Variants in SLIT1 observed in about 807,000 individuals in gnomAD.
The protein encoded by SLIT1 is slit guidance ligand 1.
SLIT1 carries 66 observed loss-of-function variants against 186.1 expected under a neutral mutation model. The observed-to-expected ratio is 0.35, with a 90% CI of 0.29 to 0.44. The LOEUF is 0.44. Ranked by LOEUF, SLIT1 falls within the 20% of genes least tolerant of loss-of-function variation. The pLI is 1.00. For missense variants in SLIT1, 1,638 were observed against 2,037.4 expected (o/e 0.80, Z 3.77); for synonymous variants, 761 against 833.8 (o/e 0.91, Z 1.50).
chr10:97,166,207 C>A (rs1355679860), intron 1 of SLIT1, among the ~76,000 whole-genome samples: 1 of 151,972 alleles, frequency 6.6e-6, no homozygotes, highest in Non-Finnish European at 1.5e-5. Flanking sequence ...TCCCTGTCCT[C>A]CAGGTGTTTA....
Position 97,040,087 on chromosome 10 carries a change from T to A in SLIT1, c.2198A>T (p.Gln733Leu), listed in dbSNP as rs745368256. The change falls in exon 21 of 37, where the codon CAG (glutamine) becomes CTG (leucine). Residue 733 changes from glutamine (Q) to leucine (L), a missense_variant. Physicochemically the swap from Gln to Leu is moderately radical, Grantham distance 113. Around this residue, in one of 3 missense-constraint regions of SLIT1, gnomAD observed 1,245 missense variants for 1,535.3 expected, o/e 0.81. Transcript: ENST00000266058. Reference sequence around the variant, plus strand: ...CAGGCAGGCGCACTCCTGTGGGCACTGTGGGCGGGGCAGGCAGCCCCCCTC... The same window carrying A: ...CAGGCAGGCGCACTCCTGTGGGCACAGTGGGCGGGGCAGGCAGCCCCCCTC... ...QEEGGCLPRP[Q>L]CPQECACLDT... is the part of the protein sequence containing the mutation. 9 of 1,597,924 alleles carry A rather than the reference T, an allele frequency of 5.6e-6. No homozygotes were observed. Among genetic ancestry groups the A allele is most frequent in the East Asian group, 2.3e-5 (1 of 44,256 alleles).
intron 11 of SLIT1, among the ~76,000 whole-genome samples, chr10:97,058,918 C>A (rs1198062751): frequency 1.3e-5 from 2 of 152,206 alleles, no homozygotes; most frequent in African/African-American, 4.8e-5. Context: ...GTTTTATTGA[C>A]AGACTTCCCC....
At position 97,010,902 on chromosome 10, in the gene SLIT1, C is replaced by T; in HGVS notation, c.3341+91G>A. The T allele has an allele frequency of 7.9e-7, 1 of 1,272,326 alleles. No individual in the cohort carries two copies. Among genetic ancestry groups the T allele is most frequent in the Non-Finnish European group, 1.1e-6 (1 of 903,510 alleles). 78.8% of individuals were successfully genotyped at this position (1,272,326 alleles called of 1,614,324 possible). A position where few individuals can be genotyped will look rare whatever the true frequency, so the allele number is the denominator to read the frequency against. On this transcript the variant is annotated intron_variant, in intron 31 of 36. Transcript: ENST00000266058. This position sits in a 1 kb window ranked among gnomAD's most constrained non-coding sequence, Gnocchi z 4.8. ...TCCAACTTCCAGGCTCTGACCCACA[C>T]CCCTTTCCTTCGCCATGGCTGGAGG...
chr10:97,064,824 G>A lies in SLIT1; in HGVS notation c.538C>T (p.Leu180=), dbSNP rs751604217. The change falls in exon 6 of 37, where the codon CTG becomes TTG. Residue 180 remains leucine, a synonymous_variant. Transcript: ENST00000266058. ...SCIEEGAFRA[L]RGLEVLTLNN... is the part of the protein sequence containing the mutation. ...ACTTACAGCACCTCCAGCCCCCGCAGAGCACGGAAGGCCCCTTCCTCAATG... is the reference window on the plus strand; with the variant it reads ...ACTTACAGCACCTCCAGCCCCCGCAAAGCACGGAAGGCCCCTTCCTCAATG... 1 of 1,611,858 alleles carries A rather than the reference G, an allele frequency of 6.2e-7. No homozygotes were observed. The highest frequency in any genetic ancestry group is 1.1e-5 in the South Asian group (1 of 90,634).
Position 97,019,421 on chromosome 10 carries a change from G to A in SLIT1, c.2747-314C>T, listed in dbSNP as rs534131898. On this transcript the variant is annotated intron_variant, in intron 26 of 36. Coordinates refer to ENST00000266058, the MANE Select transcript of SLIT1 (RefSeq NM_003061.3). ...TGGCCATTAGGGCCGCATGATCCAT[G>A]TAAGAAGGGGACAGTTGCTACCACC... 1.1e-4 allele frequency among the ~76,000 whole-genome samples: 16 copies of A among 152,308 alleles called. No individual in the cohort carries two copies. The South Asian group carries it at 3.3e-3, about 32-fold the overall frequency.
rs1850393852 is a variant in SLIT1, at chr10:97,185,129, C to T, written c.197+349G>A. The stretch of plus-strand genomic sequence containing the variant: ...GTGCTTGGCGAGTGTGGGAAGTGTC[C>T]CTCCTGGGTGCAAGGAAGGCTTTCT... On this transcript the variant is annotated intron_variant, in intron 1 of 36. Coordinates refer to ENST00000266058, the MANE Select transcript of SLIT1 (RefSeq NM_003061.3). Among the ~76,000 whole-genome samples the T allele has an allele frequency of 3.3e-5, 5 of 152,238 alleles. 1 individual carries two copies. In the South Asian group the frequency reaches 1.0e-3, roughly 32 times the overall value.
At chr10:97,072,134 C>T (rs1849006260) in intron 4 of SLIT1, among the ~76,000 whole-genome samples, 1 of 152,100 alleles carries the variant, frequency 6.6e-6, no homozygotes, top group African/African-American at 2.4e-5. Flanking sequence ...ACAGAGAGGG[C>T]TGTGATATGA....
At chr10:97,087,290 G>A (rs1307344853) in intron 4 of SLIT1, among the ~76,000 whole-genome samples, 1 of 152,048 alleles carries the variant, frequency 6.6e-6, no homozygotes, top group African/African-American at 2.4e-5. Context: ...GTGTTGGGTG[G>A]AAGGTCCACA....
chr10:97,043,383 A>T lies in SLIT1; in HGVS notation c.1984T>A (p.Ser662Thr). ...VSPGAFDTLQ[S>T]LSTLNLLANP... ...GGCCGGACTCACAGTGTGGAGAGGG[A>T]CTGGAGGGTGTCGAAGGCTCCTGGG... The change falls in exon 19 of 37, where the codon TCC becomes ACC. Residue 662 changes from serine (S) to threonine (T), a missense_variant. This residue lies in a region of SLIT1 where 1,245 missense variants were observed against 1,535.3 expected (regional missense o/e 0.81). Coordinates refer to ENST00000266058, the MANE Select transcript of SLIT1 (RefSeq NM_003061.3). The surrounding 1 kb of genome is among the most constrained non-coding windows in gnomAD (Gnocchi z 7.0). 1 of 1,613,558 alleles carries T rather than the reference A, an allele frequency of 6.2e-7. No homozygotes were observed. The highest frequency in any genetic ancestry group is 8.5e-7 in the Non-Finnish European group (1 of 1,179,982).
chr10:97,076,423 C>T (rs190105044), intron 4 of SLIT1, among the ~76,000 whole-genome samples: 29 of 152,280 alleles, frequency 1.9e-4, no homozygotes, highest in Admixed American at 1.4e-3. Flanking sequence ...CCTGGGATCT[C>T]GCTGGACCAT....
At chr10:97,097,561 T>A (rs1242080647) in intron 4 of SLIT1, among the ~76,000 whole-genome samples, 1 of 152,232 alleles carries the variant, frequency 6.6e-6, no homozygotes, top group African/African-American at 2.4e-5. Flanking sequence ...AGTTTAGATT[T>A]CTTTCTTTAT....
chr10:97,081,646 C>T (rs1460347548), intron 4 of SLIT1, among the ~76,000 whole-genome samples: 1 of 152,202 alleles, frequency 6.6e-6, no homozygotes, highest in Non-Finnish European at 1.5e-5. Context: ...TCCACATGCA[C>T]AGACAGGGAT....
Position 97,022,958 on chromosome 10 carries a change from A to G in SLIT1, c.2583-1545T>C, listed in dbSNP as rs980516118. Among the ~76,000 whole-genome samples, 2 of 152,146 alleles carry G rather than the reference A, an allele frequency of 1.3e-5. No homozygotes were observed. The highest frequency in any genetic ancestry group is 4.8e-5 in the African/African-American group (2 of 41,426). ...TCTCATTGTGTCCAACTGTTCCGCA[A>G]TATCCCAGAGTGGATATCCCATGGC... On this transcript the variant is annotated intron_variant, in intron 25 of 36. Coordinates refer to ENST00000266058, the MANE Select transcript of SLIT1 (RefSeq NM_003061.3). The surrounding 1 kb of genome is among the most constrained non-coding windows in gnomAD (Gnocchi z 4.2).
chr10:97,150,153 A>G (rs1849861266), intron 4 of SLIT1, among the ~76,000 whole-genome samples: 1 of 151,820 alleles, frequency 6.6e-6, no homozygotes, highest in Admixed American at 6.6e-5. Flanking sequence ...CTGGCTGGGG[A>G]GGGGCGGCTG....
At chr10:97,074,528 A>C (rs1364627505) in intron 4 of SLIT1, among the ~76,000 whole-genome samples, 1 of 152,068 alleles carries the variant, frequency 6.6e-6, no homozygotes, top group Non-Finnish European at 1.5e-5. Context: ...TAACAATCGC[A>C]CCTCTTCCCT....
At chr10:97,141,772 G>A (rs1179689769) in intron 4 of SLIT1, among the ~76,000 whole-genome samples, 1 of 147,852 alleles carries the variant, frequency 6.8e-6, no homozygotes, top group Admixed American at 6.7e-5. Context: ...GTATTGTATC[G>A]TACTGTATTG....
intron 1 of SLIT1, 99 bp downstream of exon 1, chr10:97,185,379 G>C: frequency 9.2e-6 from 11 of 1,191,636 alleles, no homozygotes; most frequent in South Asian, 4.4e-5. Flanking sequence ...GAGCCCGGAC[G>C]GGCCCCAATG....
chr10:97,031,824 G>A (rs12049748), intron 23 of SLIT1, 147 bp from the exon 24 acceptor site: 113,262 of 624,050 alleles, frequency 0.18, 12,237 homozygotes, highest in South Asian at 0.37. Context: ...AAGTGCATGG[G>A]CTGGGCTGCG....
chr10:97,006,656 A>G lies in SLIT1; in HGVS notation c.3406T>C (p.Cys1136Arg), dbSNP rs376962562. The change falls in exon 32 of 37, where the codon TGC becomes CGC. Residue 1136 changes from cysteine to arginine, a missense_variant. By Grantham distance (180) the Cys-to-Arg change is radical (BLOSUM62 -3). Around this residue, in one of 3 missense-constraint regions of SLIT1, gnomAD observed 1,245 missense variants for 1,535.3 expected, o/e 0.81. Coordinates refer to ENST00000266058, the MANE Select transcript of SLIT1 (RefSeq NM_003061.3). This position sits in a 1 kb window ranked among gnomAD's most constrained non-coding sequence, Gnocchi z 4.0. ...TCCACACAGTTGGCCCCATTCTGGC[A>G]CTCAGTCCCCTCACAGGGGCTCTTG... The part of the protein sequence containing the change: ...APKSPCEGTE[C>R]QNGANCVDQG... 6.2e-7 allele frequency: 1 copy of G among 1,614,034 alleles called. No individual in the cohort carries two copies. The highest frequency in any genetic ancestry group is 8.5e-7 in the Non-Finnish European group (1 of 1,180,016).
Sources: gnomAD v4.1 joint callset for allele counts (sites outside exome capture counted in the v4.1 genomes callset) on GRCh38, gnomAD v4.1.1 for gene constraint, gnomAD v4.1.1 regional missense constraint, Gnocchi (gnomAD v3.1) non-coding constraint, MANE v1.5 for transcripts, NCBI Gene and HGNC (gene_info 2026-07-23, HGNC 2026-07-21) for gene names.